PSD3: variants seen among roughly 807,000 people sequenced by gnomAD.
PSD3 encodes PH and SEC7 domain-containing protein 3.
Under a neutral mutation model 105.5 loss-of-function variants are expected in PSD3, and 49 were observed. The ratio of observed to expected loss-of-function variants is 0.46; its 90% CI spans 0.37 to 0.59. PSD3 has a LOEUF of 0.59. Among genes scored for constraint, PSD3 ranks in the 20% least tolerant of loss-of-function variants. The pLI is 0.00. For missense variants in PSD3, 1,561 were observed against 1,263.8 expected, an observed-to-expected ratio of 1.24 and a Z score of -3.57; for synonymous variants, 557 against 457.8, an observed-to-expected ratio of 1.22 and a Z score of -2.77.
At chr8:19,056,454 T>C (rs1828712813) in intron 1 of PSD3, among the ~76,000 whole-genome samples, 1 of 152,250 alleles carries the variant, frequency 6.6e-6, no homozygotes, top group Admixed American at 6.5e-5. Flanking sequence ...ATGGAAAGCA[T>C]GGACAAATTC....
intron 1 of PSD3, among the ~76,000 whole-genome samples, chr8:19,008,444 C>A (rs1174542856): frequency 6.6e-6 from 1 of 152,192 alleles, no homozygotes; most frequent in Admixed American, 6.5e-5. Flanking sequence ...GTCACGAAGA[C>A]AGCAGCCATC....
chr8:18,762,953 A>G (rs760223335), intron 9 of PSD3: 1 of 1,282,354 alleles, frequency 7.8e-7, no homozygotes, highest in Non-Finnish European at 1.0e-6. Context: ...CACCTCCAAT[A>G]TTTCTCAGTA....
At chr8:19,027,613 G>C (rs540707152) in intron 1 of PSD3, among the ~76,000 whole-genome samples, 1 of 152,188 alleles carries the variant, frequency 6.6e-6, no homozygotes, top group Non-Finnish European at 1.5e-5. Context: ...CCCTGTGGAT[G>C]CTGAGATCAG....
intron 6 of PSD3, among the ~76,000 whole-genome samples, chr8:18,803,673 T>A (rs903280725): frequency 6.6e-6 from 1 of 151,524 alleles, no homozygotes; most frequent in East Asian, 1.9e-4. Context: ...CTAAGTTAAA[T>A]GAATCACAAA....
At chr8:18,675,386 G>C (rs1017101767) in intron 9 of PSD3, among the ~76,000 whole-genome samples, 1 of 152,092 alleles carries the variant, frequency 6.6e-6, no homozygotes, top group Non-Finnish European at 1.5e-5. Context: ...AGATAGCTTC[G>C]TAATCTTATT....
At chr8:19,049,497 C>A (rs1051614354) in intron 1 of PSD3, among the ~76,000 whole-genome samples, 12 of 151,818 alleles carry the variant, frequency 7.9e-5, no homozygotes, top group Admixed American at 3.3e-4. Context: ...CAGGACCAGC[C>A]CAGACAACAT....
Position 18,900,643 on chromosome 8 carries a change from CTTTTTTTTT to C in PSD3, c.131-27919_131-27911del, listed in dbSNP as rs34004085. Among the ~76,000 whole-genome samples the C allele has an allele frequency of 3.6e-5, 3 of 83,972 alleles. No individual in the cohort carries two copies. In the Admixed American group the frequency reaches 4.7e-4, roughly 13 times the overall value. 55.1% of individuals were successfully genotyped at this position (83,972 alleles called of 152,430 possible). On this transcript the variant is annotated intron_variant, in intron 2 of 15. Coordinates refer to ENST00000327040, the MANE Select transcript of PSD3 (RefSeq NM_015310.4). Reference sequence around the variant, plus strand: ...TACACAAAAACCATGAGAGACAACTCTTTTTTTTTTTTTTTTTTTTTTTGGGAGACAGGG... The same window carrying C: ...TACACAAAAACCATGAGAGACAACTCTTTTTTTTTTTTTTGGGAGACAGGG...
At chr8:18,737,087 C>A (rs1420403109) in intron 9 of PSD3, among the ~76,000 whole-genome samples, 2 of 152,148 alleles carry the variant, frequency 1.3e-5, no homozygotes, top group Non-Finnish European at 2.9e-5. Flanking sequence ...TGGGGAGCAT[C>A]TGAAAAAATA....
In PSD3 at chr8:18,887,113, C is replaced by T. The variant is rs192758771; in HGVS notation, c.131-14380G>A. On this transcript the variant is annotated intron_variant, in intron 2 of 15. Transcript: ENST00000327040. ...GTGACATCAGAGGTGGGGCTGTCAT[C>T]TTAGTATTATGCAGCATTTTCTCTG... 101 of 152,294 alleles carry T rather than the reference C, an allele frequency of 6.6e-4. 1 individual carries two copies. Among genetic ancestry groups the T allele is most frequent in the African/African-American group, 2.3e-3 (96 of 41,558 alleles). 9.4% of individuals were successfully genotyped at this position (152,294 alleles called of 1,614,324 possible).
chr8:18,999,478 G>T (rs1256447514), intron 1 of PSD3, among the ~76,000 whole-genome samples: 2 of 151,864 alleles, frequency 1.3e-5, no homozygotes. Flanking sequence ...GTTTGCACCT[G>T]AATGGATTTG....
rs145436418 is a variant in PSD3 at position 18,713,224 on chromosome 8, C to G, written c.2172+52225G>C. ...GAAGCACACCCCTTGAAAACCGGCA[C>G]AAGACAAGGATGCCCTCTTTCACCA... On this transcript the variant is annotated intron_variant, in intron 9 of 15. Coordinates refer to ENST00000327040, the MANE Select transcript of PSD3 (RefSeq NM_015310.4). Among the ~76,000 whole-genome samples, 26 of 152,214 alleles carry G rather than the reference C, an allele frequency of 1.7e-4. No individual in the cohort carries two copies. In the East Asian group the frequency reaches 5.0e-3, roughly 29 times the overall value.
intron 8 of PSD3, among the ~76,000 whole-genome samples, chr8:18,792,026 C>T (rs893714236): frequency 1.3e-5 from 2 of 152,134 alleles, no homozygotes; most frequent in African/African-American, 4.8e-5. Context: ...CCATCTCACA[C>T]CAGTCAGAAT....
At chr8:19,060,927 A>G (rs191246401) in intron 1 of PSD3, among the ~76,000 whole-genome samples, 10 of 152,328 alleles carry the variant, frequency 6.6e-5, no homozygotes, top group African/African-American at 2.2e-4. Context: ...CAGGGTAACA[A>G]CAGCCCCCTT....
intron 9 of PSD3, among the ~76,000 whole-genome samples, chr8:18,740,163 C>T (rs555993612): frequency 1.8e-3 from 278 of 152,252 alleles, no homozygotes; most frequent in African/African-American, 6.5e-3. Context: ...CGTTGCTTTC[C>T]TGTCTTCTGT....
intron 8 of PSD3, among the ~76,000 whole-genome samples, chr8:18,770,900 A>C (rs1585911123): frequency 6.6e-6 from 1 of 152,206 alleles, no homozygotes; most frequent in African/African-American, 2.4e-5. Flanking sequence ...GCACAAACAA[A>C]TTGGAGGATG....
chr8:18,624,155 G>A (rs1007030609), intron 11 of PSD3, among the ~76,000 whole-genome samples: 1 of 151,994 alleles, frequency 6.6e-6, no homozygotes, highest in Non-Finnish European at 1.5e-5. Context: ...TGAGATATAA[G>A]AATAAACATT....
intron 1 of PSD3, among the ~76,000 whole-genome samples, chr8:19,082,690 G>A (rs1332376675): frequency 5.3e-5 from 8 of 152,222 alleles, no homozygotes; most frequent in Non-Finnish European, 7.3e-5. Context: ...CCCCGAAGGC[G>A]GGAGGGGAGA....
chr8:18,599,313 T>C (rs1804263053), intron 12 of PSD3, among the ~76,000 whole-genome samples: 1 of 152,200 alleles, frequency 6.6e-6, no homozygotes, highest in African/African-American at 2.4e-5. Flanking sequence ...TATAAAATGG[T>C]ACATTGCTTT....
chr8:18,925,660 T>A lies in PSD3; in HGVS notation c.130+10374A>T, dbSNP rs114740945. Reference sequence around the variant, plus strand: ...ATGATGAAAATGTGTGATGGGTTTATTCAAGGACTACAGCAGGGTACATTC... The same window carrying A: ...ATGATGAAAATGTGTGATGGGTTTAATCAAGGACTACAGCAGGGTACATTC... On this transcript the variant is annotated intron_variant, in intron 2 of 15. Transcript: ENST00000327040. Among the ~76,000 whole-genome samples, 431 of 152,234 alleles carry A rather than the reference T, an allele frequency of 2.8e-3. 2 individuals are homozygous for A. The highest frequency in any genetic ancestry group is 9.7e-3 in the African/African-American group (404 of 41,542).
Sources: allele counts gnomAD v4.1 joint callset (sites outside exome capture counted in the v4.1 genomes callset), GRCh38; gene constraint gnomAD v4.1.1; transcripts MANE v1.5; gene names NCBI Gene and HGNC (gene_info 2026-07-23, HGNC 2026-07-21).